The following DAB1 variants were observed in gnomAD, a reference collection of about 807,000 sequenced individuals.
DAB1 encodes the protein DAB adaptor protein 1, also known as disabled homolog 1.
A neutral mutation model predicts 64.6 loss-of-function variants in DAB1; 15 were observed. The ratio of observed to expected loss-of-function variants is 0.23; its 90% CI spans 0.16 to 0.36. The LOEUF is 0.36. Among genes scored for constraint, DAB1 ranks in the 10% least tolerant of loss-of-function variants. The pLI is 1.00. For missense variants in DAB1, 596 were observed against 706.7 expected, an observed-to-expected ratio of 0.84 and a Z score of 1.78; for synonymous variants, 235 against 251.9, an observed-to-expected ratio of 0.93 and a Z score of 0.64.
At chr1:57,299,384 A>G (rs1340441434) in intron 1 of DAB1, among the ~76,000 whole-genome samples, 1 of 152,262 alleles carries the variant, frequency 6.6e-6, no homozygotes, top group Non-Finnish European at 1.5e-5. Flanking sequence ...TTATTCAGAC[A>G]TCAGTCAATC....
At chr1:57,284,656 C>T (rs1218770992) in intron 2 of DAB1, among the ~76,000 whole-genome samples, 1 of 152,228 alleles carries the variant, frequency 6.6e-6, no homozygotes, top group African/African-American at 2.4e-5. Context: ...ATAAATAAGC[C>T]TGATAAAAAG....
At chr1:57,829,449 C>T (rs1175520414) in intron 1 of DAB1, among the ~76,000 whole-genome samples, 1 of 152,182 alleles carries the variant, frequency 6.6e-6, no homozygotes, top group African/African-American at 2.4e-5. Flanking sequence ...AGAATGCCGC[C>T]TATCTTACAA....
intron 7 of DAB1, among the ~76,000 whole-genome samples, chr1:57,539,227 C>A (rs916191497): frequency 6.6e-6 from 1 of 152,162 alleles, no homozygotes; most frequent in Non-Finnish European, 1.5e-5. Flanking sequence ...CATTTCATCA[C>A]CCCATTGTTG....
At chr1:57,956,860 G>A (rs1645404836) in intron 5 of DAB1, among the ~76,000 whole-genome samples, 1 of 152,346 alleles carries the variant, frequency 6.6e-6, no homozygotes, top group South Asian at 2.1e-4. Flanking sequence ...AAGACTTTGG[G>A]AGGTATTGGT....
intron 1 of DAB1, among the ~76,000 whole-genome samples, chr1:57,293,614 C>T (rs1672960043): frequency 6.6e-6 from 1 of 152,150 alleles, no homozygotes; most frequent in South Asian, 2.1e-4. Context: ...GTATTATCTC[C>T]CCTTTACAAA....
At chr1:58,189,373 C>A (rs1657260180) in intron 4 of DAB1, among the ~76,000 whole-genome samples, 1 of 152,232 alleles carries the variant, frequency 6.6e-6, no homozygotes, top group East Asian at 1.9e-4. Context: ...GTTTAAATGT[C>A]ATTCTATTAA....
Position 57,227,485 on chromosome 1 carries a change from T to C in DAB1, c.67+63479A>G, listed in dbSNP as rs570302595. Among the ~76,000 whole-genome samples, 5 of 151,264 alleles carry C rather than the reference T, an allele frequency of 3.3e-5. No individual in the cohort carries two copies. In the East Asian group the frequency reaches 9.8e-4, roughly 30 times the overall value. On this transcript the variant is annotated intron_variant, in intron 2 of 14. Transcript: ENST00000371236. ...TAGATAAGGAGCAACAGAGAATGAC[T>C]AGGGAAAGAAGTGGAGGCAGGATTT...
intron 2 of DAB1, among the ~76,000 whole-genome samples, chr1:57,196,346 T>C (rs1308850281): frequency 2.0e-5 from 3 of 152,240 alleles, no homozygotes; most frequent in African/African-American, 7.2e-5. Flanking sequence ...TACCTAGAGC[T>C]GGACATGAGG....
At chr1:58,107,534 C>A (rs1397089083) in intron 5 of DAB1, among the ~76,000 whole-genome samples, 1 of 151,420 alleles carries the variant, frequency 6.6e-6, no homozygotes, top group African/African-American at 2.4e-5. Context: ...GGGAGGGTTT[C>A]ACAGAACAGC....
intron 4 of DAB1, among the ~76,000 whole-genome samples, chr1:58,263,435 A>G (rs1322666939): frequency 6.6e-6 from 1 of 152,160 alleles, no homozygotes; most frequent in African/African-American, 2.4e-5. Flanking sequence ...TGTTCATCTC[A>G]GGGCAAAAAG....
chr1:57,216,221 C>CT (rs755775035), intron 2 of DAB1, among the ~76,000 whole-genome samples: 6 of 151,868 alleles, frequency 4.0e-5, no homozygotes, highest in Non-Finnish European at 8.8e-5. Flanking sequence ...GGTTACTTAC[C>CT]TTATCTGATC....
At chr1:58,421,321 T>C (rs994684189) in intron 3 of DAB1, among the ~76,000 whole-genome samples, 1 of 152,260 alleles carries the variant, frequency 6.6e-6, no homozygotes, top group Non-Finnish European at 1.5e-5. Context: ...TATATTGTGA[T>C]GAATTTATTC....
In DAB1 at chr1:57,071,168, G is replaced by A. The variant is rs1651421007; in HGVS notation, c.559-107C>T. The A allele has an allele frequency of 2.7e-6, 3 of 1,097,792 alleles. No homozygotes were observed. The East Asian group carries it at 7.1e-5, about 26-fold the overall frequency. The allele number at this position is 1,097,792 out of a possible 1,614,324, so 68.0% of individuals were successfully genotyped here. A position where few individuals can be genotyped will look rare whatever the true frequency, so the allele number is the denominator to read the frequency against. On this transcript the variant is annotated intron_variant, in intron 6 of 14. Coordinates refer to ENST00000371236, the MANE Select transcript of DAB1 (RefSeq NM_001365792.1). ...ACAGTAAAGAAACCAGCTCTGGGCAGAAGAGGCTGGTGGGCCATCAAGGTA... is the reference window on the plus strand; with the variant it reads ...ACAGTAAAGAAACCAGCTCTGGGCAAAAGAGGCTGGTGGGCCATCAAGGTA...
At chr1:57,527,046 C>A (rs1313883005) in intron 7 of DAB1, among the ~76,000 whole-genome samples, 1 of 152,098 alleles carries the variant, frequency 6.6e-6, no homozygotes, top group African/African-American at 2.4e-5. Flanking sequence ...AATGAAGACA[C>A]AAAAGAGTTC....
At chr1:57,322,350 A>C (rs1449770703) in intron 1 of DAB1, among the ~76,000 whole-genome samples, 2 of 152,148 alleles carry the variant, frequency 1.3e-5, no homozygotes, top group Non-Finnish European at 2.9e-5. Flanking sequence ...AAGTATCACT[A>C]GTGCATTATC....
chr1:57,343,046 A>G (rs1436291921), intron 1 of DAB1, among the ~76,000 whole-genome samples: 1 of 144,312 alleles, frequency 6.9e-6, no homozygotes, highest in South Asian at 2.2e-4. Context: ...ATCTGGCCCC[A>G]CCCACATCCT....
chr1:57,416,985 C>T (rs1368530918), intron 1 of DAB1, among the ~76,000 whole-genome samples: 2 of 152,052 alleles, frequency 1.3e-5, no homozygotes, highest in Admixed American at 6.6e-5. Context: ...GGACAAAATA[C>T]CATTTCTTTT....
At chr1:58,317,310 C>A (rs958665504) in intron 4 of DAB1, among the ~76,000 whole-genome samples, 1 of 152,336 alleles carries the variant, frequency 6.6e-6, no homozygotes, top group South Asian at 2.1e-4. Context: ...CAAGATCTCA[C>A]GCCCTAAGCC....
At chr1:57,402,242 T>C (rs1255028276) in intron 1 of DAB1, among the ~76,000 whole-genome samples, 1 of 152,214 alleles carries the variant, frequency 6.6e-6, no homozygotes, top group South Asian at 2.1e-4. Flanking sequence ...TAAATGGTGC[T>C]ACAAAATTTC....
Sources: allele counts gnomAD v4.1 joint callset (sites outside exome capture counted in the v4.1 genomes callset), GRCh38; gene constraint gnomAD v4.1.1; transcripts MANE v1.5; gene names NCBI Gene and HGNC (gene_info 2026-07-23, HGNC 2026-07-21).